JAZF1: variants seen among roughly 807,000 people sequenced by gnomAD.
JAZF1 encodes the protein juxtaposed with another zinc finger protein 1.
A neutral mutation model predicts 26.4 loss-of-function variants in JAZF1; 8 were observed. The ratio of observed to expected loss-of-function variants is 0.30; its 90% CI spans 0.18 to 0.55. The LOEUF is 0.55. Ranked by LOEUF, JAZF1 falls within the 20% of genes least tolerant of loss-of-function variation. The pLI is 0.94. For synonymous variants in JAZF1, 126 were observed against 122.3 expected, an observed-to-expected ratio of 1.03 and a Z score of -0.20; for missense variants, 199 against 322.0, an observed-to-expected ratio of 0.62 and a Z score of 2.92.
intron 3 of JAZF1, chr7:27,844,350 A>T (rs1348781023): frequency 6.6e-6 from 1 of 152,208 alleles, no homozygotes; most frequent in Non-Finnish European, 1.5e-5. Context: ...ATAAATCCCA[A>T]GCTCGTTCAT....
At chr7:27,927,943 A>G (rs1174045912) in intron 2 of JAZF1, among the ~76,000 whole-genome samples, 1 of 152,220 alleles carries the variant, frequency 6.6e-6, no homozygotes, top group African/African-American at 2.4e-5. Flanking sequence ...ATAAAATGAA[A>G]TAATAATTGA....
At chr7:27,943,574 C>G (rs757988729) in intron 2 of JAZF1, among the ~76,000 whole-genome samples, 20 of 152,330 alleles carry the variant, frequency 1.3e-4, no homozygotes, top group Non-Finnish European at 2.5e-4. Context: ...GGAAGCCAAT[C>G]CTTCCCCTCG....
intron 1 of JAZF1, among the ~76,000 whole-genome samples, chr7:28,082,369 C>T (rs1784150889): frequency 6.6e-6 from 1 of 152,178 alleles, no homozygotes; most frequent in African/African-American, 2.4e-5. Flanking sequence ...CTTCCCGTTG[C>T]TCTCCCGCCT....
chr7:27,934,312 G>C (rs762377342), intron 2 of JAZF1, among the ~76,000 whole-genome samples: 2 of 152,012 alleles, frequency 1.3e-5, no homozygotes, highest in Non-Finnish European at 2.9e-5. Flanking sequence ...TAAATTACGT[G>C]GTTTACCAAA....
intron 1 of JAZF1, among the ~76,000 whole-genome samples, chr7:28,072,980 C>T (rs1783999892): frequency 2.0e-5 from 3 of 152,276 alleles, no homozygotes; most frequent in South Asian, 4.1e-4. Context: ...CCTTGTTCCC[C>T]TCCTCCCAAA....
chr7:28,042,722 T>C (rs111456258), intron 1 of JAZF1, among the ~76,000 whole-genome samples: 4 of 152,272 alleles, frequency 2.6e-5, no homozygotes, highest in African/African-American at 9.6e-5. Flanking sequence ...ACCTTTTCTA[T>C]GTTTAGATAC....
intron 1 of JAZF1, among the ~76,000 whole-genome samples, chr7:28,034,900 A>AT (rs1426029006): frequency 3.9e-5 from 6 of 152,150 alleles, no homozygotes; most frequent in South Asian, 4.1e-4. Context: ...ACAAAGTGTG[A>AT]TTTTTTACTA....
intron 1 of JAZF1, among the ~76,000 whole-genome samples, chr7:28,013,697 T>C (rs1330737095): frequency 6.6e-6 from 1 of 152,074 alleles, no homozygotes; most frequent in Admixed American, 6.5e-5. Flanking sequence ...AGGATAGTAA[T>C]TCTATGAGGG....
chr7:28,064,820 T>C (rs888051004), intron 1 of JAZF1, among the ~76,000 whole-genome samples: 1 of 152,212 alleles, frequency 6.6e-6, no homozygotes, highest in Admixed American at 6.5e-5. Flanking sequence ...TCAGAGGCAC[T>C]AGATCACTTA....
chr7:27,962,569 G>A (rs1244927090), intron 2 of JAZF1, among the ~76,000 whole-genome samples: 1 of 152,118 alleles, frequency 6.6e-6, no homozygotes, highest in Admixed American at 6.5e-5. Flanking sequence ...TATAAATGGT[G>A]GATACAAGTT....
chr7:27,912,521 A>G (rs1193447432), intron 2 of JAZF1, among the ~76,000 whole-genome samples: 1 of 152,070 alleles, frequency 6.6e-6, no homozygotes, highest in African/African-American at 2.4e-5. Flanking sequence ...TCAGAAGAAA[A>G]TTTTTCACCC....
chr7:28,113,457 C>A (rs561323996), intron 1 of JAZF1, among the ~76,000 whole-genome samples: 2 of 152,306 alleles, frequency 1.3e-5, no homozygotes, highest in East Asian at 1.9e-4. Context: ...CTGCCCACTA[C>A]GAAAGGACAT....
intron 2 of JAZF1, among the ~76,000 whole-genome samples, chr7:27,982,398 G>T (rs1562548552): frequency 1.3e-5 from 2 of 152,194 alleles, no homozygotes; most frequent in African/African-American, 2.4e-5. Context: ...CAGCGAGGCT[G>T]GGGGAGGGGC....
chr7:28,029,525 T>C (rs1027321720), intron 1 of JAZF1, among the ~76,000 whole-genome samples: 2 of 152,180 alleles, frequency 1.3e-5, no homozygotes, highest in Non-Finnish European at 2.9e-5. Context: ...CCTAAACAGA[T>C]GTATCACAGA....
chr7:27,901,005 C>A (rs1321450023), intron 2 of JAZF1, among the ~76,000 whole-genome samples: 1 of 149,566 alleles, frequency 6.7e-6, no homozygotes, highest in African/African-American at 2.5e-5. Flanking sequence ...AGACGTATTA[C>A]CCAGATAAAA....
At chr7:28,137,857 C>G (rs1017714045) in intron 1 of JAZF1, among the ~76,000 whole-genome samples, 2 of 152,184 alleles carry the variant, frequency 1.3e-5, no homozygotes, top group African/African-American at 4.8e-5. Context: ...CAAGAACTTT[C>G]CGTGTATTCA....
At chr7:28,016,686 T>A (rs760704073) in intron 1 of JAZF1, among the ~76,000 whole-genome samples, 5 of 152,152 alleles carry the variant, frequency 3.3e-5, no homozygotes, top group Non-Finnish European at 7.4e-5. Context: ...ATTATGTCAT[T>A]TTTGACTGCT....
At chr7:28,118,557 T>C (rs1784785179) in intron 1 of JAZF1, among the ~76,000 whole-genome samples, 1 of 152,160 alleles carries the variant, frequency 6.6e-6, no homozygotes. Flanking sequence ...TTATTTCTAT[T>C]TGAAAATTTC....
At chr7:27,842,868 C>G (rs1366564988) in intron 3 of JAZF1, 1 of 151,720 alleles carries the variant, frequency 6.6e-6, no homozygotes, top group Non-Finnish European at 1.5e-5. Flanking sequence ...ACCTGAATAC[C>G]AAGAGCCATG....
Sources: gnomAD v4.1 joint callset for allele counts (sites outside exome capture counted in the v4.1 genomes callset) on GRCh38, gnomAD v4.1.1 for gene constraint, MANE v1.5 for transcripts, NCBI Gene and HGNC (gene_info 2026-07-23, HGNC 2026-07-21) for gene names.